SIL1: variants seen among roughly 807,000 people sequenced by gnomAD.
SIL1 encodes the protein SIL1 nucleotide exchange factor.
Under a neutral mutation model 49.1 loss-of-function variants are expected in SIL1, and 40 were observed. The observed-to-expected ratio is 0.81, with a 90% CI of 0.63 to 1.06. SIL1 has a LOEUF of 1.06. Among genes scored for constraint, SIL1 ranks in the 50% least tolerant of loss-of-function variants. The pLI is 0.00. For synonymous variants in SIL1, 253 were observed against 250.8 expected (o/e 1.01, Z -0.08); for missense variants, 500 against 572.6 (o/e 0.87, Z 1.29).
intron 3 of SIL1, among the ~76,000 whole-genome samples, chr5:139,069,554 T>C (rs748557683): frequency 7.9e-5 from 12 of 151,892 alleles, no homozygotes; most frequent in Non-Finnish European, 1.6e-4. Context: ...TTTTAAAAGC[T>C]CAAGAAATCT....
At chr5:139,180,409 A>G (rs918774566) in intron 1 of SIL1, among the ~76,000 whole-genome samples, 3 of 144,020 alleles carry the variant, frequency 2.1e-5, no homozygotes, top group African/African-American at 7.6e-5. Flanking sequence ...AAAAAAAATC[A>G]TACCCAGCTT....
At position 139,184,848 on chromosome 5, in the gene SIL1, C is replaced by T. The variant is rs544481896; in HGVS notation, c.-11+13421G>A. Reference sequence around the variant, plus strand: ...AGGGAGCAGAGAGGCCAAGCTGTCACATCTGAGAGGCAGTCTACAGCGACT... The same window carrying T: ...AGGGAGCAGAGAGGCCAAGCTGTCATATCTGAGAGGCAGTCTACAGCGACT... On this transcript the variant is annotated intron_variant, in intron 1 of 9. Transcript: ENST00000394817. Among the ~76,000 whole-genome samples, 9 of 152,288 alleles carry T rather than the reference C, an allele frequency of 5.9e-5. No homozygotes were observed. The South Asian group carries it at 1.7e-3, about 28-fold the overall frequency.
chr5:139,183,667 C>T (rs928843650), intron 1 of SIL1, among the ~76,000 whole-genome samples: 2 of 152,166 alleles, frequency 1.3e-5, no homozygotes, highest in Non-Finnish European at 2.9e-5. Flanking sequence ...CACAGGGAAG[C>T]GGATGATTCA....
At chr5:138,980,636 T>A (rs959887991) in intron 7 of SIL1, among the ~76,000 whole-genome samples, 2 of 152,168 alleles carry the variant, frequency 1.3e-5, no homozygotes, top group African/African-American at 4.8e-5. Context: ...CACACATATA[T>A]GGAGTTGCCT....
chr5:139,067,282 G>A (rs1769728199), intron 3 of SIL1, among the ~76,000 whole-genome samples: 1 of 152,180 alleles, frequency 6.6e-6, no homozygotes. Context: ...TACAAAGACT[G>A]AGAATTGCAA....
chr5:139,090,994 C>T (rs550067924), intron 3 of SIL1, among the ~76,000 whole-genome samples: 64 of 152,296 alleles, frequency 4.2e-4, no homozygotes, highest in Non-Finnish European at 6.5e-4. Flanking sequence ...CTTATGCCTA[C>T]ATGTCAAGAT....
chr5:139,019,616 G>T (rs1373217985), intron 7 of SIL1, among the ~76,000 whole-genome samples: 5 of 152,124 alleles, frequency 3.3e-5, no homozygotes, highest in African/African-American at 4.8e-5. Context: ...CCACACATTG[G>T]CACAGCCCCT....
intron 7 of SIL1, among the ~76,000 whole-genome samples, chr5:138,993,470 C>A (rs1767798670): frequency 6.6e-6 from 1 of 152,228 alleles, no homozygotes; most frequent in African/African-American, 2.4e-5. Flanking sequence ...CCAGACGCAT[C>A]CTTGTGTAAT....
chr5:139,039,800 T>C (rs1329902381), intron 5 of SIL1, among the ~76,000 whole-genome samples: 1 of 152,100 alleles, frequency 6.6e-6, no homozygotes, highest in African/African-American at 2.4e-5. Context: ...AGAATACAGG[T>C]GAACAATAGC....
intron 1 of SIL1, among the ~76,000 whole-genome samples, chr5:139,144,979 G>A (rs1022921975): frequency 6.6e-6 from 1 of 151,950 alleles, no homozygotes; most frequent in Non-Finnish European, 1.5e-5. Context: ...AATCACAGGT[G>A]GTAAAAGAAA....
chr5:139,156,005 G>C (rs1417117308), intron 1 of SIL1, among the ~76,000 whole-genome samples: 1 of 152,082 alleles, frequency 6.6e-6, no homozygotes, highest in African/African-American at 2.4e-5. Context: ...GCTAACTTTT[G>C]TATTTTCAGT....
chr5:139,108,967 T>C (rs954292528), intron 3 of SIL1, among the ~76,000 whole-genome samples: 1 of 152,046 alleles, frequency 6.6e-6, no homozygotes, highest in Admixed American at 6.6e-5. Flanking sequence ...TTCATTGATA[T>C]GCATCAGCAG....
chr5:139,080,595 G>A (rs1770051753), intron 3 of SIL1, among the ~76,000 whole-genome samples: 1 of 152,118 alleles, frequency 6.6e-6, no homozygotes, highest in Non-Finnish European at 1.5e-5. Flanking sequence ...TTTGTTCAGG[G>A]TCTATTACAT....
intron 6 of SIL1, chr5:139,022,488 C>CT (rs1276844006): frequency 6.6e-6 from 1 of 152,226 alleles, no homozygotes; most frequent in Non-Finnish European, 1.5e-5. Flanking sequence ...ACGCTTGTAG[C>CT]TCCAGGGACT....
At chr5:139,177,538 G>A (rs1329505332) in intron 1 of SIL1, among the ~76,000 whole-genome samples, 2 of 151,992 alleles carry the variant, frequency 1.3e-5, no homozygotes, top group Non-Finnish European at 2.9e-5. Flanking sequence ...GCGCCCAGCC[G>A]AGAAGCTGAG....
At position 139,121,084 on chromosome 5, in the gene SIL1, T is replaced by C. The variant is rs372506931; in HGVS notation, c.195A>G (p.Glu65=). Residue 65 remains glutamate (E), a synonymous_variant, in exon 3 of 10, where the codon GAA becomes GAG. Coordinates refer to ENST00000394817, the MANE Select transcript of SIL1 (RefSeq NM_022464.5). Reference sequence around the variant, plus strand: ...GCGTCGGGTGGAACACCTCCAGGACTTCGGCATCCAGCTCCTCCTCGGCTT... The same window carrying C: ...GCGTCGGGTGGAACACCTCCAGGACCTCGGCATCCAGCTCCTCCTCGGCTT... The part of the protein sequence containing the change: ...ETKAEEELDA[E]VLEVFHPTHE... The C allele has an allele frequency of 6.2e-7, 1 of 1,614,206 alleles. No individual in the cohort carries two copies. The highest frequency in any genetic ancestry group is 8.5e-7 in the Non-Finnish European group (1 of 1,180,052).
chr5:139,170,875 G>A (rs1240643706), intron 1 of SIL1, among the ~76,000 whole-genome samples: 77 of 139,848 alleles, frequency 5.5e-4, no homozygotes, highest in African/African-American at 1.4e-3. Context: ...GGTGAGGGGC[G>A]CCTCTGCCCA....
chr5:139,116,410 ACT>A (rs1770990651), intron 3 of SIL1, among the ~76,000 whole-genome samples: 1 of 151,652 alleles, frequency 6.6e-6, no homozygotes, highest in Admixed American at 6.6e-5. Context: ...TATTTCAGAG[ACT>A]CTCACAGCCG....
chr5:138,982,773 A>G (rs1422350355), intron 7 of SIL1, among the ~76,000 whole-genome samples: 1 of 152,118 alleles, frequency 6.6e-6, no homozygotes, highest in Admixed American at 6.5e-5. Flanking sequence ...AGCAAAGTTA[A>G]CCTTTTAACA....
Sources: allele counts gnomAD v4.1 joint callset (sites outside exome capture counted in the v4.1 genomes callset), GRCh38; gene constraint gnomAD v4.1.1; transcripts MANE v1.5; gene names NCBI Gene and HGNC (gene_info 2026-07-23, HGNC 2026-07-21).